The following RPS27 variants were observed in gnomAD, a reference collection of about 807,000 sequenced individuals.
The protein encoded by RPS27 is ribosomal protein S27.
Under a neutral mutation model 11.8 loss-of-function variants are expected in RPS27, and 1 was observed. The ratio of observed to expected loss-of-function variants is 0.08; its 90% CI spans 0.03 to 0.40. The LOEUF (loss-of-function observed/expected upper bound fraction) is 0.40, where lower values mean the gene tolerates loss of function less well. Ranked by LOEUF, RPS27 falls within the 10% of genes least tolerant of loss-of-function variation. The pLI, the probability that RPS27 is intolerant of heterozygous loss-of-function variation, is 0.98. For missense variants in RPS27, 44 were observed against 100.1 expected, an observed-to-expected ratio of 0.44 and a Z score of 2.39; for synonymous variants, 42 against 33.8, an observed-to-expected ratio of 1.24 and a Z score of -0.84.
chr1:153,991,364 C>A, intron 2 of RPS27, 141 bp downstream of exon 2: 1 of 1,510,546 alleles, frequency 6.6e-7, no homozygotes, highest in Non-Finnish European at 8.8e-7. Context: ...CCCTGATACT[C>A]TTAAAATTTG....
chr1:153,991,464 T>G, intron 2 of RPS27, 102 bp from the exon 3 acceptor site: 1 of 1,353,960 alleles, frequency 7.4e-7, no homozygotes, highest in Non-Finnish European at 1.0e-6. Context: ...AACCCCTACG[T>G]TTTTTTGTGT....
rs115756915 is a variant in RPS27, at chr1:153,990,787, A to T, written c.-10A>T. 1 of 1,614,206 alleles carries T rather than the reference A, an allele frequency of 6.2e-7. No homozygotes were observed. Among genetic ancestry groups the T allele is most frequent in the East Asian group, 2.2e-5 (1 of 44,882 alleles). ...CCTTTCCGGCGGTGACGACCTACGC[A>T]CACGAGAACATGCCTGTGAGTGCTT... On this transcript the variant is annotated 5_prime_UTR_variant, in exon 1 of 4. Transcript: ENST00000651669.
chr1:153,991,436 T>C (rs972703953), intron 2 of RPS27, 130 bp from the exon 3 acceptor site: 9 of 1,371,220 alleles, frequency 6.6e-6, no homozygotes, highest in Non-Finnish European at 2.0e-6. Flanking sequence ...CCGTGATCTC[T>C]CATCACATTT....
rs372202101 is a variant in RPS27 at position 153,991,588 on chromosome 1, C to T, written c.138C>T (p.Val46=). ...KCPGCYKITT[V]FSHAQTVVLC... Reference sequence around the variant, plus strand: ...CAGGATGCTATAAAATCACCACGGTCTTTAGCCATGCACAAACGGTAGTTT... The same window carrying T: ...CAGGATGCTATAAAATCACCACGGTTTTTAGCCATGCACAAACGGTAGTTT... Residue 46 remains valine (V), a synonymous_variant, in exon 3 of 4, where the codon GTC becomes GTT. Coordinates refer to ENST00000651669, the MANE Select transcript of RPS27 (RefSeq NM_001030.6). 2.5e-5 allele frequency: 41 copies of T among 1,612,880 alleles called. No individual in the cohort carries two copies. Among genetic ancestry groups the T allele is most frequent in the Non-Finnish European group, 3.2e-5 (38 of 1,179,088 alleles).
intron 3 of RPS27, 169 bp downstream of exon 3, chr1:153,991,845 T>G (rs1348586537): frequency 1.9e-5 from 13 of 677,506 alleles, no homozygotes; most frequent in Non-Finnish European, 2.8e-5. Context: ...AAAAGCTATG[T>G]ATTAATCTCA....
In RPS27 at chr1:153,991,537, GA is replaced by G. The variant is rs1267282325; in HGVS notation, c.116-22del. On this transcript the variant is annotated intron_variant, in intron 2 of 3. Transcript: ENST00000651669. ...TGCAGGAAAGACGGGTGTAATAGAG[GA>G]AAAAAATGTTATCTGCTTTTCTTTC... is the stretch of plus-strand genomic sequence containing the variant. 6 of 1,559,052 alleles carry G rather than the reference GA, an allele frequency of 3.8e-6. No individual in the cohort carries two copies. The African/African-American group carries it at 5.4e-5, about 14-fold the overall frequency.
intron 2 of RPS27, 152 bp from the exon 3 acceptor site, chr1:153,991,414 T>C: frequency 7.0e-7 from 1 of 1,426,642 alleles, no homozygotes; most frequent in Non-Finnish European, 9.5e-7. Flanking sequence ...TTAGGAGGAG[T>C]GATTCATTTC....
chr1:153,990,934 C>T, intron 1 of RPS27, 132 bp downstream of exon 1: 1 of 1,384,610 alleles, frequency 7.2e-7, no homozygotes, highest in African/African-American at 1.4e-5. Context: ...CCAGGGACCG[C>T]AGCGGCCCAC....
intron 2 of RPS27, 47 bp from the exon 3 acceptor site, chr1:153,991,519 A>AAGAGACGGG: frequency 6.9e-7 from 1 of 1,446,572 alleles, no homozygotes; most frequent in Non-Finnish European, 9.7e-7. Flanking sequence ...AAGTGCAGGA[A>AAGAGACGGG]AGACGGGTGT....
chr1:153,991,267 A>G lies in RPS27; in HGVS notation c.115+44A>G, dbSNP rs188462725. ...GTAGTGGGGAAAGCACTGGACCTCAACAGTTGGAAAATGTTGTAGTGTTAG... is the reference window on the plus strand; with the variant it reads ...GTAGTGGGGAAAGCACTGGACCTCAGCAGTTGGAAAATGTTGTAGTGTTAG... On this transcript the variant is annotated intron_variant, in intron 2 of 3. Transcript: ENST00000651669. The G allele has an allele frequency of 1.3e-3, 1,974 of 1,567,250 alleles. 3 individuals carry two copies. Among genetic ancestry groups the G allele is most frequent in the Non-Finnish European group, 1.5e-3 (1,693 of 1,153,344 alleles).
chr1:153,991,755 T>A (rs1649422425), intron 3 of RPS27, 79 bp downstream of exon 3: 1 of 962,580 alleles, frequency 1.0e-6, no homozygotes, highest in Non-Finnish European at 1.6e-6. Context: ...TTTTTCGGTC[T>A]TAACAGTGAC....
intron 3 of RPS27, 130 bp from the exon 4 acceptor site, chr1:153,991,935 G>A (rs1273873579): frequency 5.8e-6 from 5 of 856,932 alleles, no homozygotes; most frequent in South Asian, 1.4e-5. Context: ...ATACAAATGC[G>A]CAGGTAGCTA....
chr1:153,990,886 G>A, intron 1 of RPS27, 84 bp downstream of exon 1: 3 of 1,576,654 alleles, frequency 1.9e-6, no homozygotes, highest in Non-Finnish European at 2.6e-6. Flanking sequence ...ATCGTAGAGG[G>A]TCCTCATTTA....
At chr1:153,991,022 C>T in intron 1 of RPS27, 93 bp from the exon 2 acceptor site, 1 of 1,175,900 alleles carries the variant, frequency 8.5e-7, no homozygotes, top group Non-Finnish European at 1.2e-6. Context: ...CGGCGAGGGG[C>T]GAGCTCTCCC....
At chr1:153,990,970 A>C in intron 1 of RPS27, 145 bp from the exon 2 acceptor site, 1 of 1,198,468 alleles carries the variant, frequency 8.3e-7, no homozygotes, top group Non-Finnish European at 1.2e-6. Flanking sequence ...ACGGGAGCGG[A>C]GAGGAGATAA....
At position 153,991,544 on chromosome 1, in the gene RPS27, A is replaced by T. The variant is rs772783073; in HGVS notation, c.116-22A>T. 9 of 1,583,004 alleles carry T rather than the reference A, an allele frequency of 5.7e-6. No homozygotes were observed. In the African/African-American group the frequency reaches 1.1e-4, roughly 19 times the overall value. On this transcript the variant is annotated intron_variant, in intron 2 of 3. Coordinates refer to ENST00000651669, the MANE Select transcript of RPS27 (RefSeq NM_001030.6). ...AAGACGGGTGTAATAGAGGAAAAAAATGTTATCTGCTTTTCTTTCAGGATG... is the reference window on the plus strand; with the variant it reads ...AAGACGGGTGTAATAGAGGAAAAAATTGTTATCTGCTTTTCTTTCAGGATG...
chr1:153,991,389 G>A, intron 2 of RPS27, 166 bp downstream of exon 2: 1 of 1,482,498 alleles, frequency 6.7e-7, no homozygotes, highest in Non-Finnish European at 9.1e-7. Context: ...TATGAGACTG[G>A]CAAAGTTTTG....
Position 153,992,033 on chromosome 1 carries a change from T to C in RPS27, c.227-32T>C, listed in dbSNP as rs770696664. On this transcript the variant is annotated intron_variant, in intron 3 of 3. Transcript: ENST00000651669. Reference sequence around the variant, plus strand: ...GAGGTGGGCAGAATACCTGTACTGATGACAGCTAATCTCTGAATCTTTTTC... The same window carrying C: ...GAGGTGGGCAGAATACCTGTACTGACGACAGCTAATCTCTGAATCTTTTTC... 8 of 1,608,262 alleles carry C rather than the reference T, an allele frequency of 5.0e-6. No homozygotes were observed. The South Asian group carries it at 7.7e-5, about 15-fold the overall frequency.
In RPS27 at chr1:153,991,699, T is replaced by G. The variant is rs754191429; in HGVS notation, c.226+23T>G. On this transcript the variant is annotated intron_variant, in intron 3 of 3. Coordinates refer to ENST00000651669, the MANE Select transcript of RPS27 (RefSeq NM_001030.6). The stretch of plus-strand genomic sequence containing the variant: ...AAGGTAAATGGTTTACTAATGTGAT[T>G]TGGGGCTTTGAGTTTGATTTTTAGA... The G allele has an allele frequency of 2.1e-6, 3 of 1,444,674 alleles. No homozygotes were observed. The African/African-American group carries it at 4.2e-5, about 20-fold the overall frequency. The allele number at this position is 1,444,674 out of a possible 1,614,324, so 89.5% of individuals were successfully genotyped here.
Sources: allele counts gnomAD v4.1 joint callset, GRCh38; gene constraint gnomAD v4.1.1; transcripts MANE v1.5; gene names NCBI Gene and HGNC (gene_info 2026-07-23, HGNC 2026-07-21).